Variants in RAPGEF2 observed in about 807,000 individuals in gnomAD.
RAPGEF2 encodes the protein Rap guanine nucleotide exchange factor 2.
Under a neutral mutation model 186.7 loss-of-function variants are expected in RAPGEF2, and 54 were observed. The observed-to-expected ratio is 0.29, with a 90% confidence interval of 0.23 to 0.36. RAPGEF2 has a LOEUF of 0.36. RAPGEF2 is among the 10% of genes least tolerant of loss of function. The pLI, the probability that RAPGEF2 is intolerant of heterozygous loss-of-function variation, is 1.00. For missense variants in RAPGEF2, 1,532 were observed against 2,045.0 expected (o/e 0.75, Z 4.84); for synonymous variants, 712 against 705.9 (o/e 1.01, Z -0.14).
In RAPGEF2 at chr4:159,323,627, A is replaced by G. The variant is rs766465267; in HGVS notation, c.1149+10A>G. 1.1e-5 allele frequency: 16 copies of G among 1,441,106 alleles called. No homozygotes were observed. In the African/African-American group the frequency reaches 1.8e-4, roughly 16 times the overall value. The allele number at this position is 1,441,106 out of a possible 1,614,324, so 89.3% of individuals were successfully genotyped here. A position where few individuals can be genotyped will look rare whatever the true frequency, so the allele number is the denominator to read the frequency against. The stretch of plus-strand genomic sequence containing the variant: ...GGTGGATGACTGCCAGGTATAAAAT[A>G]TATCATTAAAAATATATATTTTATT... On this transcript the variant is annotated intron_variant, in intron 11 of 29. Transcript: ENST00000691494.
At chr4:159,230,938 T>C (rs1009593656) in intron 4 of RAPGEF2, among the ~76,000 whole-genome samples, 40 of 152,216 alleles carry the variant, frequency 2.6e-4, no homozygotes, top group Non-Finnish European at 5.9e-4. Flanking sequence ...TTCTGTTATG[T>C]GTTCAGTGAA....
intron 3 of RAPGEF2, among the ~76,000 whole-genome samples, chr4:159,199,849 G>A (rs1038037670): frequency 1.3e-5 from 2 of 152,106 alleles, no homozygotes; most frequent in South Asian, 4.1e-4. Context: ...GTGACTCCAG[G>A]TGAGAAACAG....
intron 8 of RAPGEF2, among the ~76,000 whole-genome samples, chr4:159,309,680 A>G (rs1279053916): frequency 6.6e-6 from 1 of 152,190 alleles, no homozygotes; most frequent in African/African-American, 2.4e-5. Context: ...GTAATACGAG[A>G]CAATGCCATT....
intron 7 of RAPGEF2, among the ~76,000 whole-genome samples, chr4:159,284,688 G>A (rs1760216923): frequency 6.6e-6 from 1 of 152,032 alleles, no homozygotes; most frequent in Non-Finnish European, 1.5e-5. Context: ...TCATAGATTT[G>A]AACCATCATT....
In RAPGEF2 at chr4:159,144,223, C is replaced by G. The variant is rs78844229; in HGVS notation, c.69+39992C>G. ...TTAAAGTTCATCCGAATACTGTCATCCTTCACATATCATTCTGCAACTTAC... is the reference window on the plus strand; with the variant it reads ...TTAAAGTTCATCCGAATACTGTCATGCTTCACATATCATTCTGCAACTTAC... On this transcript the variant is annotated intron_variant, in intron 1 of 29. Transcript: ENST00000691494. Among the ~76,000 whole-genome samples, 323 of 152,310 alleles carry G rather than the reference C, an allele frequency of 2.1e-3. 9 individuals are homozygous for G. The East Asian group carries it at 0.05, about 23-fold the overall frequency.
At chr4:159,348,145 T>TG (rs774935650) in intron 25 of RAPGEF2, among the ~76,000 whole-genome samples, 9 of 151,400 alleles carry the variant, frequency 5.9e-5, no homozygotes, top group East Asian at 3.9e-4. Context: ...CGCTTCAACC[T>TG]GGGGGGTGGA....
rs1437340303 is a variant in RAPGEF2, at chr4:159,322,581, A to G, written c.990+98A>G. The G allele has an allele frequency of 1.2e-5, 11 of 945,892 alleles. No individual in the cohort carries two copies. In the East Asian group the frequency reaches 2.6e-4, roughly 23 times the overall value. The allele number at this position is 945,892 out of a possible 1,614,324, so 58.6% of individuals were successfully genotyped here. On this transcript the variant is annotated intron_variant, in intron 10 of 29. Coordinates refer to ENST00000691494, the MANE Select transcript of RAPGEF2 (RefSeq NM_001394067.2). The stretch of plus-strand genomic sequence containing the variant: ...CAATTCTTACTTTTTCCTTTTTAAT[A>G]CCCAACAACAGTAAGTTTGAATAAT...
At chr4:159,201,798 T>G (rs1339365245) in intron 3 of RAPGEF2, among the ~76,000 whole-genome samples, 2 of 152,190 alleles carry the variant, frequency 1.3e-5, no homozygotes, top group East Asian at 3.8e-4. Context: ...TTTTTCTATT[T>G]TTTGGTCATG....
At position 159,345,392 on chromosome 4, in the gene RAPGEF2, T is replaced by C. The variant is rs550227230; in HGVS notation, c.3502+63T>C. The stretch of plus-strand genomic sequence containing the variant: ...GGATGCAGATTTGTTTCCTGTGCAG[T>C]GGTATGGGCAGTGACAAAATAAGGC... On this transcript the variant is annotated intron_variant, in intron 24 of 29. Transcript: ENST00000691494. 1.7e-4 allele frequency: 245 copies of C among 1,478,996 alleles called. 1 individual carries two copies. The highest frequency in any genetic ancestry group is 1.1e-3 in the East Asian group (50 of 44,176). 91.6% of individuals were successfully genotyped at this position (1,478,996 alleles called of 1,614,324 possible).
chr4:159,247,887 C>T (rs890979503), intron 7 of RAPGEF2, among the ~76,000 whole-genome samples: 1 of 150,744 alleles, frequency 6.6e-6, no homozygotes, highest in African/African-American at 2.4e-5. Context: ...CTCAGCCTCC[C>T]GAGTAGCTGG....
chr4:159,141,604 A>T (rs1271074036), intron 1 of RAPGEF2, among the ~76,000 whole-genome samples: 1 of 151,704 alleles, frequency 6.6e-6, no homozygotes, highest in South Asian at 2.1e-4. Context: ...ATTTATATAT[A>T]TTTTTTAACA....
At chr4:159,277,383 T>C (rs1413838637) in intron 7 of RAPGEF2, among the ~76,000 whole-genome samples, 2 of 152,240 alleles carry the variant, frequency 1.3e-5, no homozygotes, top group Non-Finnish European at 2.9e-5. Context: ...ACAATTAACA[T>C]ACGTGTGCAT....
intron 1 of RAPGEF2, among the ~76,000 whole-genome samples, chr4:159,119,447 T>G (rs1034004898): frequency 6.6e-6 from 1 of 152,234 alleles, no homozygotes; most frequent in African/African-American, 2.4e-5. Flanking sequence ...ATTTTGCTTT[T>G]AAGCCTCGAT....
intron 4 of RAPGEF2, among the ~76,000 whole-genome samples, chr4:159,226,245 A>G (rs1049036535): frequency 4.6e-5 from 7 of 152,188 alleles, no homozygotes; most frequent in Non-Finnish European, 5.9e-5. Context: ...AGTATCTTCA[A>G]TCCATCAAAT....
chr4:159,221,294 G>A (rs560404769), intron 4 of RAPGEF2, among the ~76,000 whole-genome samples: 2 of 152,302 alleles, frequency 1.3e-5, no homozygotes, highest in South Asian at 4.1e-4. Context: ...GCTAGCATGT[G>A]GCTTGCATTT....
At chr4:159,255,323 C>G (rs4637352) in intron 7 of RAPGEF2, among the ~76,000 whole-genome samples, 2,515 of 151,626 alleles carry the variant, frequency 0.017, 54 homozygotes, top group African/African-American at 0.057. Flanking sequence ...TTCTAGAATT[C>G]TTCTCTTTCT....
At chr4:159,326,364 G>A (rs1214143293) in intron 11 of RAPGEF2, among the ~76,000 whole-genome samples, 2 of 152,146 alleles carry the variant, frequency 1.3e-5, no homozygotes, top group Non-Finnish European at 2.9e-5. Flanking sequence ...TTTTAGGGAA[G>A]CAAGTTATTG....
At chr4:159,312,224 T>C (rs1228228627) in intron 8 of RAPGEF2, among the ~76,000 whole-genome samples, 1 of 152,160 alleles carries the variant, frequency 6.6e-6, no homozygotes, top group Non-Finnish European at 1.5e-5. Context: ...AAAATTTCTG[T>C]CTTTGGTAGT....
At chr4:159,115,101 C>G (rs570923080) in intron 1 of RAPGEF2, among the ~76,000 whole-genome samples, 8 of 152,138 alleles carry the variant, frequency 5.3e-5, no homozygotes, top group Non-Finnish European at 1.0e-4. Context: ...GTCAGCCCCC[C>G]TCCCCAGTCC....
Sources: allele counts gnomAD v4.1 joint callset (sites outside exome capture counted in the v4.1 genomes callset), GRCh38; gene constraint gnomAD v4.1.1; transcripts MANE v1.5; gene names NCBI Gene and HGNC (gene_info 2026-07-23, HGNC 2026-07-21).